The following FHIT variants were observed in gnomAD, a reference collection of about 807,000 sequenced individuals.
The protein encoded by FHIT is fragile histidine triad diadenosine triphosphatase.
Under a neutral mutation model 17.9 loss-of-function variants are expected in FHIT, and 19 were observed. The observed-to-expected ratio is 1.06, with a 90% CI of 0.74 to 1.56. The LOEUF (loss-of-function observed/expected upper bound fraction) is 1.56, where lower values mean the gene tolerates loss of function less well. Among genes scored for constraint, FHIT ranks in the 40% most tolerant of loss-of-function variants. The pLI, the probability that FHIT is intolerant of heterozygous loss-of-function variation, is 0.00. For synonymous variants in FHIT, 81 were observed against 69.7 expected, an observed-to-expected ratio of 1.16 and a Z score of -0.81; for missense variants, 248 against 189.2, an observed-to-expected ratio of 1.31 and a Z score of -1.82.
intron 5 of FHIT, among the ~76,000 whole-genome samples, chr3:60,143,173 T>C (rs1397855147): frequency 6.6e-6 from 1 of 152,156 alleles, no homozygotes; most frequent in African/African-American, 2.4e-5. Flanking sequence ...CAGCAAATCT[T>C]CAGAGGGGCA....
chr3:60,018,835 C>G (rs1467238101), intron 5 of FHIT, among the ~76,000 whole-genome samples: 1 of 151,854 alleles, frequency 6.6e-6, no homozygotes, highest in Non-Finnish European at 1.5e-5. Flanking sequence ...AAAAAAACAG[C>G]TGGGCATGGT....
chr3:60,473,610 G>C (rs1245800546), intron 5 of FHIT, among the ~76,000 whole-genome samples: 1 of 152,142 alleles, frequency 6.6e-6, no homozygotes, highest in Non-Finnish European at 1.5e-5. Context: ...ACTGATTTGA[G>C]GTACTTGCAC....
intron 3 of FHIT, among the ~76,000 whole-genome samples, chr3:61,006,090 A>G (rs2031428744): frequency 6.6e-6 from 1 of 151,194 alleles, no homozygotes; most frequent in African/African-American, 2.4e-5. Flanking sequence ...AAAAAAAAAA[A>G]TTGCCTGAAG....
At chr3:60,806,920 T>C (rs1256786688) in intron 4 of FHIT, among the ~76,000 whole-genome samples, 1 of 152,212 alleles carries the variant, frequency 6.6e-6, no homozygotes, top group Non-Finnish European at 1.5e-5. Flanking sequence ...AATATCATCC[T>C]TCATTTTTAA....
At chr3:60,407,296 A>G (rs1701901017) in intron 5 of FHIT, among the ~76,000 whole-genome samples, 1 of 151,884 alleles carries the variant, frequency 6.6e-6, no homozygotes, top group African/African-American at 2.4e-5. Flanking sequence ...AATGTCGGAA[A>G]AGCCTACCAA....
At chr3:60,849,657 C>T (rs1038976625) in intron 3 of FHIT, among the ~76,000 whole-genome samples, 15 of 152,066 alleles carry the variant, frequency 9.9e-5, no homozygotes, top group Middle Eastern at 3.4e-3. Context: ...TGGTATCAAA[C>T]AGACCTGCTT....
At chr3:60,436,805 T>G (rs141920772) in intron 5 of FHIT, among the ~76,000 whole-genome samples, 2 of 152,250 alleles carry the variant, frequency 1.3e-5, no homozygotes, top group African/African-American at 4.8e-5. Flanking sequence ...AGGTCAAATT[T>G]TATTCATTTT....
chr3:60,595,362 C>T (rs551876624), intron 4 of FHIT, among the ~76,000 whole-genome samples: 1 of 142,008 alleles, frequency 7.0e-6, no homozygotes, highest in South Asian at 2.4e-4. Flanking sequence ...AGCCTGAGGA[C>T]ACCATGTTAG....
At chr3:60,742,943 T>C (rs1300641168) in intron 4 of FHIT, among the ~76,000 whole-genome samples, 1 of 152,244 alleles carries the variant, frequency 6.6e-6, no homozygotes, top group Non-Finnish European at 1.5e-5. Flanking sequence ...CTACTGACCA[T>C]ATTCATCCTT....
intron 5 of FHIT, among the ~76,000 whole-genome samples, chr3:60,038,696 CT>C (rs1183670110): frequency 1.2e-5 from 1 of 84,554 alleles, no homozygotes; most frequent in African/African-American, 5.1e-5. Flanking sequence ...TTGCTCGCTA[CT>C]GATAAAAGAA....
chr3:60,129,053 G>GTTTTTTTTTT, intron 5 of FHIT, among the ~76,000 whole-genome samples: 1 of 123,480 alleles, frequency 8.1e-6, no homozygotes. Flanking sequence ...TTTTTTGTTT[G>GTTTTTTTTTT]TTTTTTTTTT....
At chr3:61,034,828 G>T (rs1404638806) in intron 3 of FHIT, among the ~76,000 whole-genome samples, 1 of 152,108 alleles carries the variant, frequency 6.6e-6, no homozygotes, top group Non-Finnish European at 1.5e-5. Context: ...AGGTACCTGT[G>T]CATACATGTT....
intron 4 of FHIT, among the ~76,000 whole-genome samples, chr3:60,666,962 C>T (rs1456539502): frequency 6.7e-6 from 1 of 150,218 alleles, no homozygotes; most frequent in Non-Finnish European, 1.5e-5. Context: ...TCAACCAATC[C>T]TCTCACCTCA....
rs1281557010 is a variant in FHIT at position 60,378,202 on chromosome 3, A to AT, written c.103+158657dup. Among the ~76,000 whole-genome samples, 4 of 151,278 alleles carry AT rather than the reference A, an allele frequency of 2.6e-5. No individual in the cohort carries two copies. The East Asian group carries it at 7.9e-4, about 30-fold the overall frequency. Reference sequence around the variant, plus strand: ...CCACTATGCCCGGCTAATTTTTTGTATTTTTAGTAGAGACGGGGTTTCACC... The same window carrying AT: ...CCACTATGCCCGGCTAATTTTTTGTATTTTTTAGTAGAGACGGGGTTTCACC... On this transcript the variant is annotated intron_variant, in intron 5 of 9. Coordinates refer to ENST00000492590, the MANE Select transcript of FHIT (RefSeq NM_002012.4).
intron 5 of FHIT, among the ~76,000 whole-genome samples, chr3:60,260,199 GGC>G (rs1394243951): frequency 3.9e-5 from 6 of 151,912 alleles, no homozygotes; most frequent in African/African-American, 1.4e-4. Context: ...CAGTTCTAAG[GGC>G]CGTAGAGGGT....
intron 4 of FHIT, among the ~76,000 whole-genome samples, chr3:60,660,076 G>A (rs1476540449): frequency 6.6e-6 from 1 of 151,992 alleles, no homozygotes; most frequent in East Asian, 1.9e-4. Context: ...ATGTATATGT[G>A]GCTGCTTTAA....
intron 5 of FHIT, among the ~76,000 whole-genome samples, chr3:60,188,915 G>C (rs182401889): frequency 9.2e-5 from 14 of 152,180 alleles, no homozygotes; most frequent in African/African-American, 3.4e-4. Flanking sequence ...GTTAAAAATA[G>C]ATTACACTTC....
chr3:59,829,957 T>C (rs959871558), intron 8 of FHIT, among the ~76,000 whole-genome samples: 31 of 152,116 alleles, frequency 2.0e-4, no homozygotes, highest in Admixed American at 1.1e-3. Flanking sequence ...GTGCCTATAG[T>C]CCCAGTTACT....
At chr3:60,799,239 A>G (rs1353270817) in intron 4 of FHIT, among the ~76,000 whole-genome samples, 1 of 150,450 alleles carries the variant, frequency 6.6e-6, no homozygotes, top group Non-Finnish European at 1.5e-5. Context: ...CAATGGCGCA[A>G]TCTCGGCTCA....
Sources: allele counts gnomAD v4.1 joint callset (sites outside exome capture counted in the v4.1 genomes callset), GRCh38; gene constraint gnomAD v4.1.1; transcripts MANE v1.5; gene names NCBI Gene and HGNC (gene_info 2026-07-23, HGNC 2026-07-21).